TRPM1: variants seen among roughly 807,000 people sequenced by gnomAD.
The protein encoded by TRPM1 is transient receptor potential cation channel subfamily M member 1, also known as TRPM1-203 APA Isoform, Intron 10.
A neutral mutation model predicts 149.4 loss-of-function variants in TRPM1; 113 were observed. The observed-to-expected ratio is 0.76, with a 90% CI of 0.65 to 0.88. The LOEUF is 0.88. Ranked by LOEUF, TRPM1 falls within the 40% of genes least tolerant of loss-of-function variation. The pLI is 0.00. For synonymous variants in TRPM1, 741 were observed against 759.5 expected (o/e 0.98, Z 0.40); for missense variants, 1,976 against 2,038.7 (o/e 0.97, Z 0.59).
intron 1 of TRPM1, among the ~76,000 whole-genome samples, chr15:31,143,359 T>C (rs1306327590): frequency 2.0e-5 from 3 of 152,290 alleles, no homozygotes. Context: ...TGAAGCATTG[T>C]TGGTTCATTT....
chr15:31,004,208 G>A (rs1401798991), intron 27 of TRPM1, among the ~76,000 whole-genome samples: 2 of 151,888 alleles, frequency 1.3e-5, no homozygotes, highest in African/African-American at 2.4e-5. Context: ...TATGACCTAC[G>A]AAGGTCTTTG....
At chr15:31,068,129 G>A in intron 4 of TRPM1, 37 bp from the exon 5 acceptor site, 1 of 1,589,860 alleles carries the variant, frequency 6.3e-7, no homozygotes, top group Non-Finnish European at 8.6e-7. Context: ...CTCTGTTCTT[G>A]GTTTTGCTTC....
At chr15:31,100,695 T>A (rs2035495863) in intron 1 of TRPM1, among the ~76,000 whole-genome samples, 1 of 152,186 alleles carries the variant, frequency 6.6e-6, no homozygotes, top group Admixed American at 6.5e-5. Context: ...GTGAATAGAT[T>A]AGACAGGTGC....
intron 1 of TRPM1, among the ~76,000 whole-genome samples, chr15:31,127,891 G>A (rs1369834236): frequency 6.6e-6 from 1 of 152,212 alleles, no homozygotes; most frequent in Non-Finnish European, 1.5e-5. Context: ...ATGCCAAGGG[G>A]CCTGGAAGTG....
At chr15:31,117,509 A>G (rs141981079) in intron 1 of TRPM1, among the ~76,000 whole-genome samples, 6 of 152,066 alleles carry the variant, frequency 3.9e-5, no homozygotes, top group Middle Eastern at 3.4e-3. Context: ...ATAGCTGAGC[A>G]TGGAGGTGCA....
chr15:31,020,739 C>T (rs1468142722), intron 27 of TRPM1, among the ~76,000 whole-genome samples: 1 of 152,124 alleles, frequency 6.6e-6, no homozygotes, highest in Non-Finnish European at 1.5e-5. Flanking sequence ...CATTCCAGGC[C>T]TTTATTTATT....
chr15:31,111,379 T>C (rs1483876255), intron 1 of TRPM1, among the ~76,000 whole-genome samples: 1 of 152,202 alleles, frequency 6.6e-6, no homozygotes, highest in African/African-American at 2.4e-5. Context: ...CCCAACACCA[T>C]GGCTAACACT....
intron 4 of TRPM1, among the ~76,000 whole-genome samples, chr15:31,069,048 A>G (rs530378206): frequency 6.6e-6 from 1 of 152,374 alleles, no homozygotes; most frequent in South Asian, 2.1e-4. Flanking sequence ...ATTTTTATTA[A>G]ATGCAATAAA....
Position 31,158,750 on chromosome 15 carries a change from A to G in TRPM1, c.54+2156T>C, listed in dbSNP as rs545385532. On this transcript the variant is annotated intron_variant, in intron 1 of 26. Transcript: ENST00000542188. ...CGTCCACCCTAGGTGTGATACTCAT[A>G]TATACGGAGAGATGTGTTCTGCTAC... Among the ~76,000 whole-genome samples, 4 of 152,228 alleles carry G rather than the reference A, an allele frequency of 2.6e-5. No homozygotes were observed. In the East Asian group the frequency reaches 5.8e-4, roughly 22 times the overall value.
chr15:31,138,342 A>G (rs547455911), intron 1 of TRPM1, among the ~76,000 whole-genome samples: 1 of 152,106 alleles, frequency 6.6e-6, no homozygotes, highest in East Asian at 1.9e-4. Flanking sequence ...AGCTTCCTCC[A>G]GTTATCCAGT....
intron 1 of TRPM1, among the ~76,000 whole-genome samples, chr15:31,129,126 G>A (rs16956564): frequency 0.16 from 23,680 of 152,172 alleles, 2,857 homozygotes; most frequent in East Asian, 0.74. Context: ...TTCGTGTAGC[G>A]CTGTTTTTGG....
intron 1 of TRPM1, among the ~76,000 whole-genome samples, chr15:31,097,428 G>A (rs1220482212): frequency 6.6e-6 from 1 of 152,146 alleles, no homozygotes; most frequent in Non-Finnish European, 1.5e-5. Context: ...CAGAGCAAAG[G>A]GTGCATGCCT....
chr15:31,161,121 C>A, exon 1 of TRPM1: 1 of 690,628 alleles, frequency 1.4e-6, no homozygotes, highest in Non-Finnish European at 2.4e-6. Context: ...GGCCGAGATC[C>A]TGGGGCGAGG....
intron 3 of TRPM1, among the ~76,000 whole-genome samples, chr15:31,075,969 T>G (rs963784193): frequency 4.6e-5 from 7 of 152,022 alleles, no homozygotes; most frequent in African/African-American, 1.4e-4. Flanking sequence ...TTTTGCCCTC[T>G]ATTGCCTGGG....
intron 7 of TRPM1, among the ~76,000 whole-genome samples, 195 bp downstream of exon 7, chr15:31,065,881 G>A (rs1166223521): frequency 1.3e-5 from 2 of 152,222 alleles, no homozygotes; most frequent in Non-Finnish European, 2.9e-5. Context: ...CTGGGGCAAA[G>A]CATCCCCATG....
rs539619958 is a variant in TRPM1 at position 31,026,211 on chromosome 15, T to C, written c.3557A>G (p.Gln1186Arg). The C allele has an allele frequency of 7.4e-6, 12 of 1,612,680 alleles. No homozygotes were observed. In the African/African-American group the frequency reaches 1.2e-4, roughly 16 times the overall value. The change falls in exon 27 of 28, where the codon CAG becomes CGG. Residue 1186 changes from glutamine (Q) to arginine (R), a missense_variant. By Grantham distance (43) the Gln-to-Arg change is conservative (BLOSUM62 1). This residue lies in a region of TRPM1 where 572 missense variants were observed against 578.9 expected (regional missense o/e 0.99). Transcript: ENST00000256552. ...ATCCTCCTTCTCCCGGAAGTGCTCC[T>C]GCACGCACTGCTCCTCGAACTCATG... ...RLHEFEEQCVQEHFREKEDEQ... is the reference protein window; with the variant it reads ...RLHEFEEQCVREHFREKEDEQ...
chr15:31,046,276 TAACTAATG>T lies in TRPM1; in HGVS notation c.1765-51_1765-44del, dbSNP rs774325017. The stretch of plus-strand genomic sequence containing the variant: ...AAGAAAAAAAATCAATTTACTTAGA[TAACTAATG>T]TTAGTAGTACATTAGCAGTATTGTT... On this transcript the variant is annotated intron_variant, in intron 15 of 27. Transcript: ENST00000256552. 1.1e-4 allele frequency: 173 copies of T among 1,588,478 alleles called. No individual in the cohort carries two copies. In the African/African-American group the frequency reaches 2.1e-3, roughly 20 times the overall value.
chr15:31,117,010 G>C (rs2035807855), intron 1 of TRPM1, among the ~76,000 whole-genome samples: 1 of 152,224 alleles, frequency 6.6e-6, no homozygotes, highest in Admixed American at 6.5e-5. Context: ...ACAGCAGAGA[G>C]TTTGGAATCA....
intron 3 of TRPM1, among the ~76,000 whole-genome samples, chr15:31,074,898 T>C (rs1044242380): frequency 1.3e-5 from 2 of 152,220 alleles, no homozygotes; most frequent in African/African-American, 2.4e-5. Context: ...CTAAAAGTAT[T>C]TTCTAATTAA....
Sources: gnomAD v4.1 joint callset for allele counts (sites outside exome capture counted in the v4.1 genomes callset) on GRCh38, gnomAD v4.1.1 for gene constraint, gnomAD v4.1.1 regional missense constraint, MANE v1.5 for transcripts, NCBI Gene and HGNC (gene_info 2026-07-23, HGNC 2026-07-21) for gene names.